GPD2: variants seen among roughly 807,000 people sequenced by gnomAD.
GPD2 encodes the protein glycerol-3-phosphate dehydrogenase 2, also known as glycerol-3-phosphate dehydrogenase, mitochondrial.
A neutral mutation model predicts 82.4 loss-of-function variants in GPD2; 54 were observed. The observed-to-expected ratio is 0.66, with a 90% CI of 0.53 to 0.82. The LOEUF is 0.82. GPD2 is among the 40% of genes least tolerant of loss of function. The pLI, the probability that GPD2 is intolerant of heterozygous loss-of-function variation, is 0.00. For missense variants in GPD2, 748 were observed against 896.2 expected (o/e 0.83, Z 2.11); for synonymous variants, 288 against 306.1 (o/e 0.94, Z 0.62).
intron 1 of GPD2, among the ~76,000 whole-genome samples, chr2:156,459,514 C>T (rs1436194778): frequency 6.6e-6 from 1 of 151,458 alleles, no homozygotes; most frequent in Non-Finnish European, 1.5e-5. Context: ...GTGAAACCTA[C>T]TAAAAACTAC....
intron 2 of GPD2, among the ~76,000 whole-genome samples, chr2:156,481,177 T>G (rs1360255016): frequency 6.6e-6 from 1 of 152,094 alleles, no homozygotes; most frequent in East Asian, 1.9e-4. Context: ...TTATTTTTGT[T>G]TGACATGTCA....
chr2:156,583,980 T>A lies in GPD2; in HGVS notation c.*1062T>A, dbSNP rs914138694. 2.6e-5 allele frequency: 4 copies of A among 152,056 alleles called. No homozygotes were observed. Among genetic ancestry groups the A allele is most frequent in the African/African-American group, 9.7e-5 (4 of 41,430 alleles). 9.4% of individuals were successfully genotyped at this position (152,056 alleles called of 1,614,324 possible). A position where few individuals can be genotyped will look rare whatever the true frequency, so the allele number is the denominator to read the frequency against. On this transcript the variant is annotated 3_prime_UTR_variant, in exon 17 of 17. Transcript: ENST00000438166. ...AATAGACTTTAGTTAACTTTAATTATAATTATATGTTAAATAAGGCACATA... is the reference window on the plus strand; with the variant it reads ...AATAGACTTTAGTTAACTTTAATTAAAATTATATGTTAAATAAGGCACATA...
chr2:156,461,938 T>G (rs1479809787), intron 1 of GPD2, among the ~76,000 whole-genome samples: 2 of 152,224 alleles, frequency 1.3e-5, no homozygotes, highest in East Asian at 3.8e-4. Flanking sequence ...ACGGATACTT[T>G]CCTGAGTATT....
chr2:156,479,179 T>C lies in GPD2; in HGVS notation c.102+2972T>C, dbSNP rs1361684325. On this transcript the variant is annotated intron_variant, in intron 2 of 16. Transcript: ENST00000438166. ...GAAAACCTTTGAGTCAATTCTGTAG[T>C]TAAATTACCTTATATATGTAAAGAA... 2.0e-5 allele frequency among the ~76,000 whole-genome samples: 3 copies of C among 152,388 alleles called. No individual in the cohort carries two copies. The East Asian group carries it at 5.8e-4, about 29-fold the overall frequency.
chr2:156,480,036 C>CAA (rs1683665724), intron 2 of GPD2, among the ~76,000 whole-genome samples: 1 of 152,118 alleles, frequency 6.6e-6, no homozygotes, highest in Non-Finnish European at 1.5e-5. Flanking sequence ...TTGTGATTCA[C>CAA]TATTTAGTAT....
intron 1 of GPD2, among the ~76,000 whole-genome samples, chr2:156,450,411 GC>G (rs1262268048): frequency 6.6e-6 from 1 of 152,150 alleles, no homozygotes; most frequent in Non-Finnish European, 1.5e-5. Context: ...AGGCCATTGA[GC>G]AACTATTATA....
chr2:156,457,886 T>C (rs1467367235), intron 1 of GPD2, among the ~76,000 whole-genome samples: 2 of 152,244 alleles, frequency 1.3e-5, no homozygotes, highest in Non-Finnish European at 2.9e-5. Context: ...GCTTTACTTA[T>C]ATTACCTCGA....
chr2:156,509,474 A>G (rs1189551945), intron 3 of GPD2, among the ~76,000 whole-genome samples: 5 of 152,174 alleles, frequency 3.3e-5, no homozygotes, highest in East Asian at 1.9e-4. Flanking sequence ...ACTGGATTCT[A>G]TGACATTCTT....
chr2:156,417,746 A>G, the GPD2 span, among the ~76,000 whole-genome samples: 1 of 152,128 alleles, frequency 6.6e-6, no homozygotes, highest in Non-Finnish European at 1.5e-5. Context: ...AATCAGGCAT[A>G]TTGGCACATG....
chr2:156,423,705 T>C, the GPD2 span, among the ~76,000 whole-genome samples: 2 of 152,220 alleles, frequency 1.3e-5, no homozygotes, highest in Admixed American at 1.3e-4. Flanking sequence ...AAAAGATTTA[T>C]TTAATTGAAA....
At chr2:156,500,949 A>G (rs978944989) in intron 3 of GPD2, among the ~76,000 whole-genome samples, 3 of 152,200 alleles carry the variant, frequency 2.0e-5, no homozygotes, top group African/African-American at 7.2e-5. Context: ...CCGTTCTAGG[A>G]CAGAAGCATG....
chr2:156,541,296 T>C (rs1043725642), intron 6 of GPD2, among the ~76,000 whole-genome samples: 2 of 152,168 alleles, frequency 1.3e-5, no homozygotes, highest in African/African-American at 4.8e-5. Flanking sequence ...GAATGCTGTT[T>C]GGTAATATTT....
chr2:156,417,720 A>C, the GPD2 span, among the ~76,000 whole-genome samples: 1 of 152,128 alleles, frequency 6.6e-6, no homozygotes, highest in African/African-American at 2.4e-5. Flanking sequence ...TTTTATCAAA[A>C]GTAAGTTGAT....
chr2:156,432,997 ATCAC>A (rs1688334673), upstream of GPD2, among the ~76,000 whole-genome samples: 1 of 152,128 alleles, frequency 6.6e-6, no homozygotes, highest in South Asian at 2.1e-4. Flanking sequence ...GGCAAGAGGA[ATCAC>A]GTCCAGTGCT....
intron 3 of GPD2, among the ~76,000 whole-genome samples, chr2:156,497,555 A>G (rs889441643): frequency 2.6e-5 from 4 of 152,198 alleles, no homozygotes; most frequent in Non-Finnish European, 4.4e-5. Context: ...TCTCAGATCA[A>G]TTAAATTACT....
At chr2:156,462,937 GT>G (rs1683040676) in intron 1 of GPD2, among the ~76,000 whole-genome samples, 1 of 152,188 alleles carries the variant, frequency 6.6e-6, no homozygotes, top group South Asian at 2.1e-4. Context: ...AAACCTGCAT[GT>G]TGTGTACATA....
intron 1 of GPD2, among the ~76,000 whole-genome samples, chr2:156,459,559 A>T (rs1025907817): frequency 6.6e-6 from 1 of 151,874 alleles, no homozygotes; most frequent in African/African-American, 2.4e-5. Context: ...ATGGTGGCGC[A>T]TGCCTGTAAT....
At position 156,582,908 on chromosome 2, in the gene GPD2, G is replaced by A; in HGVS notation, c.2174G>A (p.Gly725Glu). The A allele has an allele frequency of 6.2e-7, 1 of 1,612,882 alleles. No individual in the cohort carries two copies. The highest frequency in any genetic ancestry group is 8.5e-7 in the Non-Finnish European group (1 of 1,179,124). The change falls in exon 17 of 17, where the codon GGA (glycine) becomes GAA (glutamate). Residue 725 changes from glycine to glutamate, a missense_variant. Physicochemically the swap from Gly to Glu is moderately conservative, Grantham distance 98. Around this residue, in one of 3 missense-constraint regions of GPD2, gnomAD observed 46 missense variants for 49.1 expected, o/e 0.94. Transcript: ENST00000438166. ...RVPIPVDRSC[G>E]GL ...CCAATTCCAGTGGACCGTAGTTGTG[G>A]AGGATTGTGAGTCTGGGCAGTAAAT...
rs765902787 is a variant in GPD2 at position 156,582,791 on chromosome 2, A to C, written c.2059-2A>C. On this transcript the variant is annotated splice_acceptor_variant, in intron 16 of 16. Coordinates refer to ENST00000438166, the MANE Select transcript of GPD2 (RefSeq NM_000408.5). LOFTEE classifies it high-confidence loss of function. ...GAATCTGTTGCATATTTTCTCTTTAAGCTGATGAGTGCTATTCAAAAAGGA... is the reference window on the plus strand; with the variant it reads ...GAATCTGTTGCATATTTTCTCTTTACGCTGATGAGTGCTATTCAAAAAGGA... The C allele has an allele frequency of 3.1e-5, 50 of 1,612,708 alleles. No individual in the cohort carries two copies. The highest frequency in any genetic ancestry group is 3.3e-4 in the Middle Eastern group (2 of 6,074).
Sources: gnomAD v4.1 joint callset for allele counts (sites outside exome capture counted in the v4.1 genomes callset) on GRCh38, gnomAD v4.1.1 for gene constraint, gnomAD v4.1.1 regional missense constraint, MANE v1.5 for transcripts, NCBI Gene and HGNC (gene_info 2026-07-23, HGNC 2026-07-21) for gene names.